Variants in PHIP observed in about 807,000 individuals in gnomAD.
PHIP encodes PH-interacting protein.
A neutral mutation model predicts 236.8 loss-of-function variants in PHIP; 54 were observed. The observed-to-expected ratio is 0.23, with a 90% CI of 0.18 to 0.29. The LOEUF is 0.29. PHIP is among the 10% of genes least tolerant of loss of function. The probability of loss-of-function intolerance (pLI) is 1.00; values close to 1 mark genes in which losing one functional copy is unlikely to be tolerated. For missense variants in PHIP, 1,370 were observed against 2,190.8 expected (o/e 0.63, Z 7.48); for synonymous variants, 756 against 718.9 (o/e 1.05, Z -0.83).
intron 22 of PHIP, among the ~76,000 whole-genome samples, chr6:78,984,254 G>T (rs1768727489): frequency 6.6e-6 from 1 of 152,110 alleles, no homozygotes; most frequent in East Asian, 1.9e-4. Context: ...ATGATTTAGT[G>T]ATTTCACTAT....
In PHIP at chr6:79,017,472, C is replaced by T; in HGVS notation, c.1095+11G>A. The T allele has an allele frequency of 6.3e-7, 1 of 1,594,438 alleles. No homozygotes were observed. The highest frequency in any genetic ancestry group is 8.6e-7 in the Non-Finnish European group (1 of 1,162,958). ...AATTATACTCATCTAATTCTTTTCACCAATACTTACAGTATGAAACTCCAA... is the reference window on the plus strand; with the variant it reads ...AATTATACTCATCTAATTCTTTTCATCAATACTTACAGTATGAAACTCCAA... On this transcript the variant is annotated intron_variant, in intron 11 of 39. Coordinates refer to ENST00000275034, the MANE Select transcript of PHIP (RefSeq NM_017934.7).
intron 13 of PHIP, 27 bp from the exon 14 acceptor site, chr6:79,015,810 G>T: frequency 1.3e-6 from 2 of 1,568,452 alleles, no homozygotes; most frequent in South Asian, 2.3e-5. Context: ...GTTTTACACT[G>T]ACTATTAAAA....
At chr6:79,010,061 AGAAG>A in intron 15 of PHIP, among the ~76,000 whole-genome samples, 1 of 148,208 alleles carries the variant, frequency 6.7e-6, no homozygotes, top group Non-Finnish European at 1.5e-5. Context: ...ATAGGAAGAA[AGAAG>A]GAAGGAAAGA....
chr6:79,006,088 GA>G (rs1474337243), intron 15 of PHIP, among the ~76,000 whole-genome samples: 1 of 151,952 alleles, frequency 6.6e-6, no homozygotes, highest in African/African-American at 2.4e-5. Context: ...TGGAGAAAAT[GA>G]AAGTATATTT....
At chr6:79,047,363 G>A (rs796986957) in intron 6 of PHIP, among the ~76,000 whole-genome samples, 10 of 152,168 alleles carry the variant, frequency 6.6e-5, no homozygotes, top group African/African-American at 2.4e-4. Context: ...GTTATTTTTC[G>A]AGAACTGATT....
intron 22 of PHIP, 151 bp downstream of exon 22, chr6:78,985,201 A>AT: frequency 1.7e-6 from 1 of 604,190 alleles, no homozygotes; most frequent in Non-Finnish European, 3.0e-6. Flanking sequence ...TAGAGAACAT[A>AT]TATCAGAAAA....
intron 20 of PHIP, among the ~76,000 whole-genome samples, chr6:78,990,069 T>TA (rs547506041): frequency 5.9e-5 from 9 of 152,098 alleles, no homozygotes; most frequent in Non-Finnish European, 1.2e-4. Flanking sequence ...TTAGGAGTTT[T>TA]AAAAAACTCA....
chr6:79,065,314 TC>T (rs1003106226), intron 4 of PHIP, among the ~76,000 whole-genome samples: 2 of 152,210 alleles, frequency 1.3e-5, no homozygotes, highest in African/African-American at 4.8e-5. Flanking sequence ...TGGATAAAGA[TC>T]CAAATCCTTA....
chr6:78,964,839 G>T (rs1446271581), intron 29 of PHIP, among the ~76,000 whole-genome samples: 1 of 152,060 alleles, frequency 6.6e-6, no homozygotes, highest in Non-Finnish European at 1.5e-5. Flanking sequence ...TAACGTAAAA[G>T]AATTTATGAA....
At chr6:78,965,129 C>T (rs1352081676) in intron 29 of PHIP, among the ~76,000 whole-genome samples, 2 of 152,146 alleles carry the variant, frequency 1.3e-5, no homozygotes, top group African/African-American at 4.8e-5. Flanking sequence ...TTATTAATTA[C>T]AACTATATCT....
Position 79,075,013 on chromosome 6 carries a change from C to T in PHIP, c.189+2435G>A, listed in dbSNP as rs143013240. Among the ~76,000 whole-genome samples, 97 of 152,182 alleles carry T rather than the reference C, an allele frequency of 6.4e-4. 1 individual carries two copies. The South Asian group carries it at 8.5e-3, about 13-fold the overall frequency. On this transcript the variant is annotated intron_variant, in intron 4 of 39. Coordinates refer to ENST00000275034, the MANE Select transcript of PHIP (RefSeq NM_017934.7). ...AAATCATTTCCAGGTAGAGTAGAAA[C>T]TAATGACTCAACAAGTAATTTTCAA... is the stretch of plus-strand genomic sequence containing the variant.
At chr6:79,046,822 G>A (rs1047380849) in intron 6 of PHIP, among the ~76,000 whole-genome samples, 2 of 150,552 alleles carry the variant, frequency 1.3e-5, no homozygotes, top group Admixed American at 6.7e-5. Context: ...GTTGCCATAA[G>A]TTGAGATCAT....
rs1272709836 is a variant in PHIP at position 78,983,119 on chromosome 6, TAGA to T, written c.2538-5_2538-3del. 4.0e-6 allele frequency: 6 copies of T among 1,518,160 alleles called. 1 individual carries two copies. Among genetic ancestry groups the T allele is most frequent in the South Asian group, 2.4e-5 (2 of 81,866 alleles). The allele number at this position is 1,518,160 out of a possible 1,614,324, so 94.0% of individuals were successfully genotyped here. A position where few individuals can be genotyped will look rare whatever the true frequency, so the allele number is the denominator to read the frequency against. ...TCAGAGTAATCACTGGAGTAGTCAC[TAGA>T]AGGAGAGAAGGGATTATTAGATAAC... On this transcript the variant is annotated splice_region_variant and splice_polypyrimidine_tract_variant and intron_variant, in intron 22 of 39. Coordinates refer to ENST00000275034, the MANE Select transcript of PHIP (RefSeq NM_017934.7).
intron 19 of PHIP, among the ~76,000 whole-genome samples, chr6:78,991,996 C>T (rs867005974): frequency 7.4e-5 from 11 of 148,310 alleles, no homozygotes; most frequent in African/African-American, 2.7e-4. Flanking sequence ...TGGAGTCTCG[C>T]TGTCGCCCAG....
At chr6:79,067,931 A>G (rs1213640370) in intron 4 of PHIP, 1 of 153,090 alleles carries the variant, frequency 6.5e-6, no homozygotes, top group Non-Finnish European at 1.5e-5. Context: ...GCTCTTTGAG[A>G]GGTTTATTAT....
At chr6:78,947,868 G>C (rs781412491) in intron 35 of PHIP, 93 bp from the exon 36 acceptor site, 25 of 781,182 alleles carry the variant, frequency 3.2e-5, no homozygotes, top group Non-Finnish European at 5.1e-5. Flanking sequence ...TATGATGACT[G>C]CAAGTCCTAG....
At position 79,015,092 on chromosome 6, in the gene PHIP, T is replaced by C. The variant is rs1421924504; in HGVS notation, c.1514A>G (p.Tyr505Cys). Residue 505 changes from tyrosine to cysteine, a missense_variant, in exon 15 of 40, where the codon TAT becomes TGT. Transcript: ENST00000275034. Reference sequence around the variant, plus strand: ...GAGAATGATAATTACCATATTGAAATAAGATCGTATTTTGACTCCTCTTGC... The same window carrying C: ...GAGAATGATAATTACCATATTGAAACAAGATCGTATTTTGACTCCTCTTGC... The part of the protein sequence containing the change: ...DLARGVKIRS[Y>C]FNMIEGQGHG... 1.2e-6 allele frequency: 2 copies of C among 1,610,598 alleles called. No homozygotes were observed. The highest frequency in any genetic ancestry group is 2.2e-5 in the South Asian group (2 of 90,878).
At position 78,954,915 on chromosome 6, in the gene PHIP, T is replaced by A; in HGVS notation, c.3952A>T (p.Ile1318Phe). Residue 1318 changes from isoleucine (I) to phenylalanine (F), a missense_variant, in exon 35 of 40, where the codon ATT becomes TTT. Around this residue, in one of 14 missense-constraint regions of PHIP, gnomAD observed 125 missense variants for 235.1 expected, o/e 0.53. Transcript: ENST00000275034. Reference sequence around the variant, plus strand: ...TCACACTGTTTCTTCCATGCTTGAATATCGTAAGACTGGGCTCTATTACGT... The same window carrying A: ...TCACACTGTTTCTTCCATGCTTGAAAATCGTAAGACTGGGCTCTATTACGT... Reference protein sequence around the residue: ...RLRNRAQSYDIQAWKKQCEEL... With the variant: ...RLRNRAQSYDFQAWKKQCEEL... 1.9e-6 allele frequency: 3 copies of A among 1,588,546 alleles called. No homozygotes were observed. The highest frequency in any genetic ancestry group is 2.7e-5 in the African/African-American group (2 of 73,434).
At position 78,958,444 on chromosome 6, in the gene PHIP, T is replaced by C. The variant is rs772896395; in HGVS notation, c.3782+31A>G. Reference sequence around the variant, plus strand: ...CTGTAGTGCCATTAATTATTAAAACTATCATAATTACATATGAAAAGATAA... The same window carrying C: ...CTGTAGTGCCATTAATTATTAAAACCATCATAATTACATATGAAAAGATAA... On this transcript the variant is annotated intron_variant, in intron 32 of 39. Coordinates refer to ENST00000275034, the MANE Select transcript of PHIP (RefSeq NM_017934.7). The C allele has an allele frequency of 3.2e-6, 4 of 1,263,074 alleles. No individual in the cohort carries two copies. In the East Asian group the frequency reaches 9.3e-5, roughly 29 times the overall value. The allele number at this position is 1,263,074 out of a possible 1,614,324, so 78.2% of individuals were successfully genotyped here. A position where few individuals can be genotyped will look rare whatever the true frequency, so the allele number is the denominator to read the frequency against.
Sources: allele counts gnomAD v4.1 joint callset (sites outside exome capture counted in the v4.1 genomes callset), GRCh38; gene constraint gnomAD v4.1.1; regional missense constraint gnomAD v4.1.1; transcripts MANE v1.5; gene names NCBI Gene and HGNC (gene_info 2026-07-23, HGNC 2026-07-21).